The following IRAK1BP1 variants were observed in gnomAD, a reference collection of about 807,000 sequenced individuals.
The protein encoded by IRAK1BP1 is interleukin 1 receptor associated kinase 1 binding protein 1.
IRAK1BP1 carries 24 observed loss-of-function variants against 28.0 expected under a neutral mutation model. That is an observed-to-expected ratio of 0.86 (90% CI 0.62 to 1.20). IRAK1BP1 has a LOEUF of 1.20. Ranked by LOEUF, IRAK1BP1 falls within the 50% of genes most tolerant of loss-of-function variation. The pLI, the probability that IRAK1BP1 is intolerant of heterozygous loss-of-function variation, is 0.00. For synonymous variants in IRAK1BP1, 131 were observed against 116.3 expected (o/e 1.13, Z -0.81); for missense variants, 336 against 316.7 (o/e 1.06, Z -0.46).
At chr6:78,907,653 A>G (rs1002852998), downstream of IRAK1BP1, among the ~76,000 whole-genome samples, 1 of 152,194 alleles carries the variant, frequency 6.6e-6, no homozygotes, top group Non-Finnish European at 1.5e-5. Context: ...CACAATGAAA[A>G]ATTGAGGTAG....
intron 4 of IRAK1BP1, chr6:78,939,575 A>G (rs1018040011): frequency 1.1e-4 from 16 of 151,952 alleles, no homozygotes; most frequent in African/African-American, 3.1e-4. Context: ...GTAATAGTAT[A>G]TAAGTATGTG....
intron 4 of IRAK1BP1, chr6:78,935,797 T>C (rs1773252792): frequency 1.0e-6 from 1 of 961,070 alleles, no homozygotes; most frequent in Admixed American, 6.2e-5. Flanking sequence ...GTTGAGATTA[T>C]GTACTAAGTG....
Position 78,899,805 on chromosome 6 carries a change from C to T in IRAK1BP1, c.*1471C>T, listed in dbSNP as rs1431653144. On this transcript the variant is annotated 3_prime_UTR_variant, in exon 4 of 4. Transcript: ENST00000369940. ...AAACAGTTGAAACTAATTTTAATAACATTTTATTTAACCAAATATATCAAA... is the reference window on the plus strand; with the variant it reads ...AAACAGTTGAAACTAATTTTAATAATATTTTATTTAACCAAATATATCAAA... 1 of 152,108 alleles carries T rather than the reference C, an allele frequency of 6.6e-6. No individual in the cohort carries two copies. Among genetic ancestry groups the T allele is most frequent in the Non-Finnish European group, 1.5e-5 (1 of 68,004 alleles). The allele number at this position is 152,108 out of a possible 1,614,324, so 9.4% of individuals were successfully genotyped here.
At chr6:78,961,876 G>T in the IRAK1BP1 span, 30 of 1,281,342 alleles carry the variant, frequency 2.3e-5, no homozygotes, top group Non-Finnish European at 3.0e-5. Flanking sequence ...GAAGAATTCT[G>T]CTTGAATTAA....
At chr6:78,946,384 G>A (rs1264304018) in exon 5 of IRAK1BP1, 1 of 1,385,484 alleles carries the variant, frequency 7.2e-7, no homozygotes, top group Non-Finnish European at 9.6e-7. Context: ...GAGATTTATA[G>A]TGGATTTCAT....
chr6:78,935,658 A>G (rs1773249935), intron 4 of IRAK1BP1: 3 of 983,994 alleles, frequency 3.0e-6, no homozygotes, highest in Non-Finnish European at 3.6e-6. Context: ...ATTAAATTAC[A>G]TTTCGGCACC....
At chr6:78,868,810 G>T (rs1770686803) in intron 1 of IRAK1BP1, among the ~76,000 whole-genome samples, 1 of 152,154 alleles carries the variant, frequency 6.6e-6, no homozygotes, top group African/African-American at 2.4e-5. Context: ...AGAAATCATA[G>T]GGATCAACGA....
At chr6:78,943,161 T>C (rs1376257917) in intron 4 of IRAK1BP1, among the ~76,000 whole-genome samples, 1 of 152,126 alleles carries the variant, frequency 6.6e-6, no homozygotes, top group Non-Finnish European at 1.5e-5. Context: ...CTGAACATGG[T>C]GAGTACAAAA....
chr6:78,935,189 A>T (rs1174766911), intron 4 of IRAK1BP1, among the ~76,000 whole-genome samples: 2 of 152,208 alleles, frequency 1.3e-5, no homozygotes, highest in South Asian at 4.1e-4. Flanking sequence ...CTTCATAAAG[A>T]AAAGGTTATC....
intron 4 of IRAK1BP1, among the ~76,000 whole-genome samples, chr6:78,909,307 A>G (rs1477757558): frequency 1.3e-5 from 2 of 152,204 alleles, no homozygotes; most frequent in African/African-American, 4.8e-5. Context: ...AATATTTTCA[A>G]TTTACATTGA....
intron 2 of IRAK1BP1, 124 bp from the exon 3 acceptor site, chr6:78,897,705 A>C (rs1771942121): frequency 1.5e-6 from 1 of 671,498 alleles, no homozygotes; most frequent in African/African-American, 1.8e-5. Flanking sequence ...ATAGGCTTTT[A>C]AAAATCTGTT....
At chr6:78,956,931 TTGTA>T in the IRAK1BP1 span, 2 of 152,086 alleles carry the variant, frequency 1.3e-5, no homozygotes, top group Non-Finnish European at 2.9e-5. Flanking sequence ...TCACATTACT[TTGTA>T]TGTATCAATT....
chr6:78,891,699 C>T lies in IRAK1BP1; in HGVS notation c.382-6130C>T, dbSNP rs548660005. On this transcript the variant is annotated intron_variant, in intron 2 of 3. Coordinates refer to ENST00000369940, the MANE Select transcript of IRAK1BP1 (RefSeq NM_001010844.4). ...CTGGTCTCGAACTCCTGGCCTCAGG[C>T]GATCCGCCTGCCTCTGCCTCCCAAA... Among the ~76,000 whole-genome samples, 4 of 152,198 alleles carry T rather than the reference C, an allele frequency of 2.6e-5. No individual in the cohort carries two copies. The South Asian group carries it at 6.2e-4, about 24-fold the overall frequency.
the IRAK1BP1 span, chr6:78,965,814 C>A: frequency 8.2e-7 from 1 of 1,216,720 alleles, no homozygotes; most frequent in Non-Finnish European, 1.2e-6. Context: ...TATTGTATCA[C>A]AATTTTAATA....
In IRAK1BP1 at chr6:78,867,585, G is replaced by C; in HGVS notation, c.9G>C (p.Leu3=). The C allele has an allele frequency of 1.2e-6, 2 of 1,613,686 alleles. No individual in the cohort carries two copies. The highest frequency in any genetic ancestry group is 1.7e-6 in the Non-Finnish European group (2 of 1,179,808). The part of the protein sequence containing the change: MS[L]QKTPPTRVFV... ...ACCCAGCTGCCATCGCTATGTCTCT[G>C]CAAAAGACCCCTCCGACCCGAGTGT... The change falls in exon 1 of 4, where the codon CTG becomes CTC. Residue 3 remains leucine, a synonymous_variant. Transcript: ENST00000369940.
At chr6:78,968,357 A>G in the IRAK1BP1 span, among the ~76,000 whole-genome samples, 2 of 152,186 alleles carry the variant, frequency 1.3e-5, no homozygotes, top group Non-Finnish European at 2.9e-5. Context: ...CTACTTATAC[A>G]CAGATTTTTC....
the IRAK1BP1 span, chr6:78,954,678 A>T: frequency 1.7e-5 from 10 of 587,192 alleles, no homozygotes; most frequent in South Asian, 2.6e-4. Flanking sequence ...CTATGTAGCC[A>T]AATGGATAAT....
downstream of IRAK1BP1, among the ~76,000 whole-genome samples, chr6:78,906,616 C>T (rs111456687): frequency 1.3e-5 from 2 of 152,148 alleles, no homozygotes; most frequent in Non-Finnish European, 2.9e-5. Flanking sequence ...TATTGACTCA[C>T]ATTCCTCTAC....
the IRAK1BP1 span, among the ~76,000 whole-genome samples, chr6:78,963,846 T>A: frequency 6.6e-6 from 1 of 152,190 alleles, no homozygotes; most frequent in Non-Finnish European, 1.5e-5. Flanking sequence ...TTAGACTAAG[T>A]TTTGGCAGAT....
Sources: gnomAD v4.1 joint callset for allele counts (sites outside exome capture counted in the v4.1 genomes callset) on GRCh38, gnomAD v4.1.1 for gene constraint, MANE v1.5 for transcripts, NCBI Gene and HGNC (gene_info 2026-07-23, HGNC 2026-07-21) for gene names.